The following TACC2 variants were observed in gnomAD, a reference collection of about 807,000 sequenced individuals.
TACC2 encodes the protein transforming acidic coiled-coil-containing protein 2.
A neutral mutation model predicts 227.3 loss-of-function variants in TACC2; 137 were observed. The ratio of observed to expected loss-of-function variants is 0.60; its 90% CI spans 0.52 to 0.69. The LOEUF (loss-of-function observed/expected upper bound fraction) is 0.69. Among genes scored for constraint, TACC2 ranks in the 30% least tolerant of loss-of-function variants. TACC2 has a pLI of 0.00. For missense variants in TACC2, 3,470 were observed against 3,694.4 expected, an observed-to-expected ratio of 0.94 and a Z score of 1.57; for synonymous variants, 1,523 against 1,487.5, an observed-to-expected ratio of 1.02 and a Z score of -0.55.
chr10:122,183,247 G>A (rs1190085713), intron 7 of TACC2, among the ~76,000 whole-genome samples: 3 of 151,724 alleles, frequency 2.0e-5, no homozygotes, highest in Non-Finnish European at 2.9e-5. Context: ...CAGGGGGTGG[G>A]GGCTTAGGAG....
chr10:122,061,120 T>C (rs1282180783), intron 3 of TACC2, among the ~76,000 whole-genome samples: 3 of 148,866 alleles, frequency 2.0e-5, no homozygotes, highest in Non-Finnish European at 3.0e-5. Context: ...CCATCCTGGC[T>C]AACACGGTGA....
chr10:122,213,505 G>A (rs899470562), intron 9 of TACC2: 14 of 893,360 alleles, frequency 1.6e-5, no homozygotes, highest in African/African-American at 4.9e-5. Flanking sequence ...GTGGGCCTGC[G>A]AATGATGGGG....
chr10:122,215,546 C>A, intron 10 of TACC2, 95 bp downstream of exon 10: 1 of 1,080,516 alleles, frequency 9.3e-7, no homozygotes, highest in Non-Finnish European at 1.4e-6. Context: ...TCATCCCGGG[C>A]CTGTTTCCAA....
chr10:122,167,000 G>A (rs2093206901), intron 7 of TACC2, among the ~76,000 whole-genome samples: 1 of 152,190 alleles, frequency 6.6e-6, no homozygotes, highest in Admixed American at 6.5e-5. Flanking sequence ...CCCATGTGGT[G>A]TGGCTTCTGC....
Position 122,083,453 on chromosome 10 carries a change from G to T in TACC2, c.953G>T (p.Gly318Val), listed in dbSNP as rs1347847504. Residue 318 changes from glycine (G) to valine (V), a missense_variant, in exon 4 of 23, where the codon GGG becomes GTG. Physicochemically the swap from Gly to Val is moderately radical, Grantham distance 109. This residue lies in a region of TACC2 where 33 missense variants were observed against 60.4 expected (regional missense o/e 0.55). Transcript: ENST00000369005. ...RACHLPRSNSGAAPEAEVNAA... is the reference protein window; with the variant it reads ...RACHLPRSNSVAAPEAEVNAA... ...TGCCATCTCCCTAGGAGCAATTCAG[G>T]GGCTGCCCCAGAAGCAGAAGTGAAT... 1 of 1,613,392 alleles carries T rather than the reference G, an allele frequency of 6.2e-7. No individual in the cohort carries two copies.
Position 122,021,934 on chromosome 10 carries a change from C to T in TACC2, c.-45-3C>T, listed in dbSNP as rs751199467. ...GACGTTTATACCCTTTTGTTTCTTC[C>T]AGTCACCTCTGACAAAATTCTGGGG... On this transcript the variant is annotated splice_polypyrimidine_tract_variant and splice_region_variant and intron_variant, in intron 1 of 22. Transcript: ENST00000369005. 4.4e-6 allele frequency: 7 copies of T among 1,596,746 alleles called. No homozygotes were observed. Among genetic ancestry groups the T allele is most frequent in the Non-Finnish European group, 5.2e-6 (6 of 1,164,424 alleles).
chr10:122,092,014 C>G (rs906298012), intron 5 of TACC2, among the ~76,000 whole-genome samples: 1 of 152,222 alleles, frequency 6.6e-6, no homozygotes, highest in Non-Finnish European at 1.5e-5. Flanking sequence ...TTGATTCAAG[C>G]GCTGGAGCGT....
chr10:122,096,695 CAAA>C (rs57474527), intron 5 of TACC2, among the ~76,000 whole-genome samples: 4 of 116,026 alleles, frequency 3.4e-5, no homozygotes, highest in Middle Eastern at 4.2e-3. Flanking sequence ...AACTCCGTCT[CAAA>C]AAAAAAAAAA....
chr10:122,120,164 G>A (rs2085460516), intron 5 of TACC2, among the ~76,000 whole-genome samples: 1 of 152,130 alleles, frequency 6.6e-6, no homozygotes. Context: ...GGTCTCCTGG[G>A]GAGCTGGAGC....
chr10:122,049,118 G>A (rs2075382659), intron 2 of TACC2, among the ~76,000 whole-genome samples: 1 of 152,184 alleles, frequency 6.6e-6, no homozygotes, highest in South Asian at 2.1e-4. Flanking sequence ...GGTGGACCGG[G>A]GAATGCACTC....
intron 7 of TACC2, among the ~76,000 whole-genome samples, chr10:122,182,959 T>C (rs1056831283): frequency 1.3e-5 from 2 of 152,120 alleles, no homozygotes; most frequent in Admixed American, 6.5e-5. Flanking sequence ...ATCCTGGCTC[T>C]TTCGGAGGCC....
intron 7 of TACC2, among the ~76,000 whole-genome samples, chr10:122,174,425 A>G (rs1188688958): frequency 6.6e-6 from 1 of 152,230 alleles, no homozygotes; most frequent in Non-Finnish European, 1.5e-5. Context: ...GGGCTTGAGA[A>G]GACTGGCATT....
intron 7 of TACC2, among the ~76,000 whole-genome samples, chr10:122,173,905 C>T (rs2093593068): frequency 1.3e-5 from 2 of 152,210 alleles, no homozygotes; most frequent in African/African-American, 4.8e-5. Context: ...GTTCCAGGCT[C>T]CATGACCTGG....
intron 1 of TACC2, among the ~76,000 whole-genome samples, chr10:122,020,929 T>C (rs1234428192): frequency 6.6e-6 from 1 of 152,168 alleles, no homozygotes; most frequent in Non-Finnish European, 1.5e-5. Context: ...GGAAGCACCC[T>C]AATTAAGATG....
At chr10:122,012,895 G>A (rs1956124988) in intron 1 of TACC2, among the ~76,000 whole-genome samples, 1 of 152,152 alleles carries the variant, frequency 6.6e-6, no homozygotes, top group Non-Finnish European at 1.5e-5. Context: ...CTACTGCCTG[G>A]GTGAAGCAGT....
chr10:122,048,209 G>A (rs1349191202), intron 2 of TACC2, among the ~76,000 whole-genome samples: 3 of 152,118 alleles, frequency 2.0e-5, no homozygotes, highest in Non-Finnish European at 4.4e-5. Context: ...GATGAGTGGG[G>A]ACCCTCCCTT....
At chr10:122,006,851 C>T (rs994585608) in intron 1 of TACC2, among the ~76,000 whole-genome samples, 2 of 135,852 alleles carry the variant, frequency 1.5e-5, no homozygotes, top group East Asian at 2.3e-4. Flanking sequence ...CTCTTCATTG[C>T]TTTCCTGATT....
intron 18 of TACC2, among the ~76,000 whole-genome samples, chr10:122,241,477 G>A (rs949232154): frequency 3.4e-4 from 52 of 152,090 alleles, no homozygotes; most frequent in Non-Finnish European, 1.8e-4. Context: ...TTTTTGTAGG[G>A]ATGGTGTTTC....
intron 5 of TACC2, among the ~76,000 whole-genome samples, chr10:122,129,101 A>T (rs916808049): frequency 2.7e-5 from 3 of 111,596 alleles, no homozygotes; most frequent in African/African-American, 8.3e-5. Flanking sequence ...ATTATTTGAG[A>T]TGGAGTTTTG....
Sources: gnomAD v4.1 joint callset for allele counts (sites outside exome capture counted in the v4.1 genomes callset) on GRCh38, gnomAD v4.1.1 for gene constraint, gnomAD v4.1.1 regional missense constraint, MANE v1.5 for transcripts, NCBI Gene and HGNC (gene_info 2026-07-23, HGNC 2026-07-21) for gene names.